The following ZNF407 variants were observed in gnomAD, a reference collection of about 807,000 sequenced individuals.
The protein encoded by ZNF407 is zinc finger protein 407.
ZNF407 carries 17 observed loss-of-function variants against 131.2 expected under a neutral mutation model. That is an observed-to-expected ratio of 0.13 (90% CI 0.09 to 0.19). The LOEUF is 0.19. ZNF407 is among the 10% of genes least tolerant of loss of function. The probability of loss-of-function intolerance (pLI) is 1.00; values close to 1 mark genes in which losing one functional copy is unlikely to be tolerated. For synonymous variants in ZNF407, 1,156 were observed against 1,062.0 expected (o/e 1.09, Z -1.72); for missense variants, 2,681 against 2,830.6 (o/e 0.95, Z 1.20).
intron 1 of ZNF407, among the ~76,000 whole-genome samples, chr18:74,619,537 G>A (rs1379791162): frequency 3.9e-5 from 6 of 152,150 alleles, no homozygotes; most frequent in Non-Finnish European, 8.8e-5. Flanking sequence ...ATCTTGGAAT[G>A]CCTTTTTTAT....
Position 75,063,597 on chromosome 18 carries a change from C to T in ZNF407, c.5876C>T (p.Pro1959Leu), listed in dbSNP as rs1973667928. 1 of 1,572,408 alleles carries T rather than the reference C, an allele frequency of 6.4e-7. No homozygotes were observed. The highest frequency in any genetic ancestry group is 1.9e-5 in the Admixed American group (1 of 53,502). ...EGHGMDESLS[P>L]GGAVIQQVTK... ...CACGGCATGGATGAGTCCCTCAGTCCAGGTGGCGCTGTGATACAACAGGTG... is the reference window on the plus strand; with the variant it reads ...CACGGCATGGATGAGTCCCTCAGTCTAGGTGGCGCTGTGATACAACAGGTG... Residue 1959 changes from proline (P) to leucine (L), a missense_variant, in exon 9 of 9, where the codon CCA (proline) becomes CTA (leucine). By Grantham distance (98) the Pro-to-Leu change is moderately conservative. Transcript: ENST00000299687. This position sits in a 1 kb window ranked among gnomAD's most constrained non-coding sequence, Gnocchi z 6.6.
chr18:74,720,935 T>TG (rs1968018891), intron 3 of ZNF407, among the ~76,000 whole-genome samples: 1 of 151,380 alleles, frequency 6.6e-6, no homozygotes, highest in South Asian at 2.1e-4. Context: ...AGCTTTTTTT[T>TG]TTTTCTTTTT....
At chr18:74,763,532 T>C (rs186038889) in intron 3 of ZNF407, among the ~76,000 whole-genome samples, 15 of 151,798 alleles carry the variant, frequency 9.9e-5, no homozygotes, top group Admixed American at 9.8e-4. Flanking sequence ...TTTTCTTATA[T>C]TTTATTTTAG....
rs144784339 is a variant in ZNF407, at chr18:74,822,255, A to G, written c.4877+40753A>G. ...ATGGTAATTTCTTTTGCTGTGCAGA[A>G]GCTCTTTAGTTTAATTAGATCCCAT... On this transcript the variant is annotated intron_variant, in intron 4 of 8. Coordinates refer to ENST00000299687, the MANE Select transcript of ZNF407 (RefSeq NM_017757.3). Among the ~76,000 whole-genome samples, 904 of 152,184 alleles carry G rather than the reference A, an allele frequency of 5.9e-3. 28 individuals carry two copies. Among genetic ancestry groups the G allele is most frequent in the Admixed American group, 0.054 (823 of 15,280 alleles).
At chr18:74,822,177 A>T (rs1412420082) in intron 4 of ZNF407, among the ~76,000 whole-genome samples, 1 of 152,110 alleles carries the variant, frequency 6.6e-6, no homozygotes, top group African/African-American at 2.4e-5. Flanking sequence ...CCTCTGTCAG[A>T]TGGATAGATT....
intron 4 of ZNF407, among the ~76,000 whole-genome samples, chr18:74,870,555 AC>A (rs980875839): frequency 1.3e-5 from 2 of 152,338 alleles, no homozygotes; most frequent in East Asian, 3.9e-4. Flanking sequence ...ATAATCTGAA[AC>A]AAGGAACTCT....
intron 1 of ZNF407, among the ~76,000 whole-genome samples, chr18:74,623,521 G>T (rs1464765806): frequency 1.3e-5 from 2 of 152,192 alleles, no homozygotes; most frequent in African/African-American, 4.8e-5. Context: ...AAAATGTCAT[G>T]CATGCCGCCC....
At chr18:74,834,584 G>A (rs775638304) in intron 4 of ZNF407, among the ~76,000 whole-genome samples, 1 of 152,164 alleles carries the variant, frequency 6.6e-6, no homozygotes, top group Non-Finnish European at 1.5e-5. Context: ...CTTGCCAGGA[G>A]GATATGATTC....
At chr18:74,903,500 T>C (rs1012976589) in intron 7 of ZNF407, among the ~76,000 whole-genome samples, 3 of 151,810 alleles carry the variant, frequency 2.0e-5, no homozygotes, top group South Asian at 2.1e-4. Context: ...CTTGGATTTT[T>C]GGAGGTTGGT....
intron 3 of ZNF407, among the ~76,000 whole-genome samples, chr18:74,748,029 C>A (rs1968711477): frequency 6.6e-6 from 1 of 152,014 alleles, no homozygotes; most frequent in Non-Finnish European, 1.5e-5. Flanking sequence ...ATTATAAAAG[C>A]TGTCAGGCAT....
At chr18:74,680,504 A>G (rs969633129) in intron 3 of ZNF407, among the ~76,000 whole-genome samples, 6 of 152,166 alleles carry the variant, frequency 3.9e-5, no homozygotes, top group Non-Finnish European at 7.3e-5. Context: ...ACTGATAAAC[A>G]CAAAGTTTTA....
intron 2 of ZNF407, among the ~76,000 whole-genome samples, chr18:74,640,006 T>C (rs945738970): frequency 6.6e-6 from 1 of 152,142 alleles, no homozygotes; most frequent in Admixed American, 6.6e-5. Context: ...CTAACTATAG[T>C]AGAGGGAATA....
chr18:74,984,584 C>T (rs534521264), intron 8 of ZNF407, among the ~76,000 whole-genome samples: 254 of 152,162 alleles, frequency 1.7e-3, no homozygotes, highest in African/African-American at 5.9e-3. Context: ...TTTGTGTTAC[C>T]TGCTCAACAT....
At chr18:74,816,733 T>C (rs900011751) in intron 4 of ZNF407, among the ~76,000 whole-genome samples, 3 of 152,236 alleles carry the variant, frequency 2.0e-5, no homozygotes, top group Admixed American at 1.3e-4. Context: ...CTGTATAAAT[T>C]GCTGAAAGTA....
chr18:75,011,586 C>T (rs1227439382), intron 8 of ZNF407, among the ~76,000 whole-genome samples: 1 of 152,018 alleles, frequency 6.6e-6, no homozygotes, highest in Non-Finnish European at 1.5e-5. Flanking sequence ...AAATATTCAT[C>T]CATTTAAGTT....
chr18:74,939,857 A>G (rs2930550), intron 8 of ZNF407, among the ~76,000 whole-genome samples: 34,286 of 152,164 alleles, frequency 0.23, 5,105 homozygotes, highest in African/African-American at 0.41. Context: ...GTGGCAGAAA[A>G]AACACTTGTC....
At chr18:75,015,618 C>T (rs1973034907) in intron 8 of ZNF407, among the ~76,000 whole-genome samples, 1 of 149,506 alleles carries the variant, frequency 6.7e-6, no homozygotes, top group African/African-American at 2.4e-5. Flanking sequence ...TTCAGACTTC[C>T]TAGCTAGATT....
At chr18:75,030,007 C>G (rs928611394) in intron 8 of ZNF407, among the ~76,000 whole-genome samples, 1 of 152,072 alleles carries the variant, frequency 6.6e-6, no homozygotes, top group Non-Finnish European at 1.5e-5. Flanking sequence ...CAAATGGCAA[C>G]AAGAAAATAT....
chr18:74,752,819 G>T (rs1005250841), intron 3 of ZNF407, among the ~76,000 whole-genome samples: 3 of 152,138 alleles, frequency 2.0e-5, no homozygotes, highest in Admixed American at 2.0e-4. Flanking sequence ...GATGCCTCCA[G>T]CTTTGTTCTT....
Sources: allele counts gnomAD v4.1 joint callset (sites outside exome capture counted in the v4.1 genomes callset), GRCh38; gene constraint gnomAD v4.1.1; non-coding constraint Gnocchi (gnomAD v3.1); transcripts MANE v1.5; gene names NCBI Gene and HGNC (gene_info 2026-07-23, HGNC 2026-07-21).